The following EFCAB3 variants were observed in gnomAD, a reference collection of about 807,000 sequenced individuals.
The protein encoded by EFCAB3 is EF-hand calcium binding domain 3.
Under a neutral mutation model 42.2 loss-of-function variants are expected in EFCAB3, and 36 were observed. The observed-to-expected ratio is 0.85, with a 90% confidence interval of 0.65 to 1.13. The LOEUF (loss-of-function observed/expected upper bound fraction) is 1.13, where lower values mean the gene tolerates loss of function less well. Ranked by LOEUF, EFCAB3 falls within the 50% of genes most tolerant of loss-of-function variation. The pLI, the probability that EFCAB3 is intolerant of heterozygous loss-of-function variation, is 0.00. For missense variants in EFCAB3, 418 were observed against 505.1 expected (o/e 0.83, Z 1.65); for synonymous variants, 170 against 172.8 (o/e 0.98, Z 0.13).
At chr17:62,372,853 C>T (rs2070123661) in intron 1 of EFCAB3, among the ~76,000 whole-genome samples, 1 of 152,216 alleles carries the variant, frequency 6.6e-6, no homozygotes, top group South Asian at 2.1e-4. Flanking sequence ...TTCTCCTCCA[C>T]TACTTCCAAC....
upstream of EFCAB3, among the ~76,000 whole-genome samples, chr17:62,380,063 G>A (rs770898459): frequency 6.6e-5 from 10 of 152,178 alleles, no homozygotes; most frequent in Non-Finnish European, 1.0e-4. Flanking sequence ...GTGCAGGGGC[G>A]TGATCTCAGT....
intron 9 of EFCAB3, among the ~76,000 whole-genome samples, chr17:62,415,230 A>G (rs1195149980): frequency 6.6e-6 from 1 of 152,176 alleles, no homozygotes; most frequent in Admixed American, 6.5e-5. Context: ...ACCATTCTCC[A>G]CACAGCTGCT....
Position 62,392,750 on chromosome 17 carries a change from G to A in EFCAB3, c.295+785G>A, listed in dbSNP as rs555528231. ...CCTCCTGGGTTCACACCATTCTCCT[G>A]CCTCAGCCTCTTGAGTAGCTGGGAC... On this transcript the variant is annotated intron_variant, in intron 4 of 9. Coordinates refer to ENST00000305286, the MANE Select transcript of EFCAB3 (RefSeq NM_173503.4). 5.9e-5 allele frequency among the ~76,000 whole-genome samples: 9 copies of A among 152,034 alleles called. No homozygotes were observed. The South Asian group carries it at 1.9e-3, about 32-fold the overall frequency.
intron 1 of EFCAB3, among the ~76,000 whole-genome samples, chr17:62,371,725 A>G (rs1023925060): frequency 6.6e-6 from 1 of 152,194 alleles, no homozygotes; most frequent in African/African-American, 2.4e-5. Flanking sequence ...GAAGAGATAC[A>G]CAGGGGAAGG....
intron 4 of EFCAB3, among the ~76,000 whole-genome samples, chr17:62,393,195 A>G (rs1260094403): frequency 2.0e-5 from 3 of 152,128 alleles, no homozygotes; most frequent in African/African-American, 7.2e-5. Flanking sequence ...TCATCCTTCA[A>G]TTTTAGAGGA....
At chr17:62,381,124 A>G (rs2070193567) in intron 1 of EFCAB3, among the ~76,000 whole-genome samples, 2 of 148,472 alleles carry the variant, frequency 1.3e-5, no homozygotes, top group East Asian at 4.2e-4. Context: ...CATCAGGTAT[A>G]TCTCCTAATG....
At chr17:62,375,208 C>T (rs1199839629) in intron 2 of EFCAB3, among the ~76,000 whole-genome samples, 2 of 152,186 alleles carry the variant, frequency 1.3e-5, no homozygotes, top group Non-Finnish European at 2.9e-5. Context: ...AATTTAAATT[C>T]TGGGTACCCA....
At chr17:62,393,701 C>A in intron 5 of EFCAB3, 57 bp downstream of exon 5, 1 of 1,450,530 alleles carries the variant, frequency 6.9e-7, no homozygotes, top group Non-Finnish European at 9.6e-7. Context: ...CACTGCACAG[C>A]AAACATCATT....
At chr17:62,403,962 A>C (rs536768755) in intron 6 of EFCAB3, among the ~76,000 whole-genome samples, 203 of 152,152 alleles carry the variant, frequency 1.3e-3, no homozygotes, top group Non-Finnish European at 2.0e-3. Flanking sequence ...CATCTCTTGT[A>C]ACTTCCCCTC....
rs954340753 is a variant in EFCAB3 at position 62,410,170 on chromosome 17, G to A, written c.867+2958G>A. Among the ~76,000 whole-genome samples, 4 of 152,032 alleles carry A rather than the reference G, an allele frequency of 2.6e-5. No individual in the cohort carries two copies. In the East Asian group the frequency reaches 7.8e-4, roughly 30 times the overall value. ...GCCAAGATCACACCATTGCACTCCAGCCTGGGCAATAAGAGCAAAATTCCA... is the reference window on the plus strand; with the variant it reads ...GCCAAGATCACACCATTGCACTCCAACCTGGGCAATAAGAGCAAAATTCCA... On this transcript the variant is annotated intron_variant, in intron 8 of 9. Transcript: ENST00000305286.
chr17:62,390,890 T>A (rs1286849029), intron 3 of EFCAB3, among the ~76,000 whole-genome samples: 2 of 152,228 alleles, frequency 1.3e-5, no homozygotes, highest in South Asian at 2.1e-4. Flanking sequence ...GTTCCAGGTT[T>A]ATTTCGTCAT....
At chr17:62,407,948 A>G (rs1410871292) in intron 8 of EFCAB3, among the ~76,000 whole-genome samples, 1 of 152,220 alleles carries the variant, frequency 6.6e-6, no homozygotes, top group Non-Finnish European at 1.5e-5. Context: ...ATAGAGTTTA[A>G]GAGGCCCAGA....
chr17:62,415,696 C>A (rs2070540733), intron 9 of EFCAB3, among the ~76,000 whole-genome samples: 1 of 152,188 alleles, frequency 6.6e-6, no homozygotes. Context: ...CTAGGCTGAA[C>A]TGAGTGGCTG....
At chr17:62,390,276 A>G (rs1207611422) in intron 3 of EFCAB3, among the ~76,000 whole-genome samples, 1 of 152,168 alleles carries the variant, frequency 6.6e-6, no homozygotes, top group Non-Finnish European at 1.5e-5. Flanking sequence ...TCTTCAGTAA[A>G]TTCTTTGAAT....
In EFCAB3 at chr17:62,387,363, T is replaced by C; in HGVS notation, c.98T>C (p.Leu33Pro). The C allele has an allele frequency of 6.2e-7, 1 of 1,611,740 alleles. No homozygotes were observed. Among genetic ancestry groups the C allele is most frequent in the South Asian group, 1.1e-5 (1 of 90,972 alleles). ...AGGGATAGAGACTTACCAGGATCTCTTCAATGCCAATTACAACACAAAGAA... is the reference window on the plus strand; with the variant it reads ...AGGGATAGAGACTTACCAGGATCTCCTCAATGCCAATTACAACACAAAGAA... ...NKRDRDLPGS[L>P]QCQLQHKEKK... Residue 33 changes from leucine (L) to proline (P), a missense_variant, in exon 3 of 10, where the codon CTT becomes CCT. Transcript: ENST00000305286.
chr17:62,407,842 C>CT (rs2070461772), intron 8 of EFCAB3, among the ~76,000 whole-genome samples: 1 of 152,198 alleles, frequency 6.6e-6, no homozygotes, highest in South Asian at 2.1e-4. Context: ...AGAATGGAAA[C>CT]TTAACTGGAG....
chr17:62,370,256 G>C (rs778488630), exon 1 of EFCAB3: 1 of 1,551,228 alleles, frequency 6.4e-7, no homozygotes, highest in Non-Finnish European at 8.7e-7. Context: ...ACAATTTCTA[G>C]CAAGCGAAGG....
At chr17:62,404,006 A>C (rs1399756959) in intron 6 of EFCAB3, among the ~76,000 whole-genome samples, 4 of 152,114 alleles carry the variant, frequency 2.6e-5, no homozygotes, top group Admixed American at 6.5e-5. Flanking sequence ...TCGGGTCCTC[A>C]AATACTCCAT....
rs371510916 is a variant in EFCAB3, at chr17:62,413,246, C to T, written c.868-486C>T. On this transcript the variant is annotated intron_variant, in intron 8 of 9. Transcript: ENST00000305286. ...TTCAAATTCATAAGAAAAAAATAAC[C>T]TATATAAAAATGGGCAAAGGGTATG... Among the ~76,000 whole-genome samples the T allele has an allele frequency of 5.4e-3, 815 of 152,098 alleles. 11 individuals are homozygous for T. The highest frequency in any genetic ancestry group is 0.017 in the African/African-American group (711 of 41,508).
Sources: gnomAD v4.1 joint callset for allele counts (sites outside exome capture counted in the v4.1 genomes callset) on GRCh38, gnomAD v4.1.1 for gene constraint, MANE v1.5 for transcripts, NCBI Gene and HGNC (gene_info 2026-07-23, HGNC 2026-07-21) for gene names.